Variants in FSTL5 observed in about 807,000 individuals in gnomAD.
FSTL5 encodes the protein follistatin-related protein 5.
A neutral mutation model predicts 89.1 loss-of-function variants in FSTL5; 62 were observed. The ratio of observed to expected loss-of-function variants is 0.70; its 90% CI spans 0.57 to 0.86. The LOEUF (loss-of-function observed/expected upper bound fraction) is 0.86, where lower values mean the gene tolerates loss of function less well. FSTL5 is among the 40% of genes least tolerant of loss of function. The pLI is 0.00. For synonymous variants in FSTL5, 383 were observed against 346.2 expected (o/e 1.11, Z -1.18); for missense variants, 1,057 against 1,001.6 (o/e 1.06, Z -0.75).
At chr4:162,069,148 G>A (rs984979272) in intron 2 of FSTL5, among the ~76,000 whole-genome samples, 1 of 151,996 alleles carries the variant, frequency 6.6e-6, no homozygotes, top group Non-Finnish European at 1.5e-5. Flanking sequence ...ATTCCTCAAA[G>A]ACCTAGAATC....
intron 15 of FSTL5, among the ~76,000 whole-genome samples, chr4:161,453,103 G>A (rs1733229929): frequency 6.6e-6 from 1 of 152,062 alleles, no homozygotes; most frequent in African/African-American, 2.4e-5. Flanking sequence ...CTTGACCCCG[G>A]TAGGTATTTT....
At chr4:161,479,121 A>T (rs959327291) in intron 13 of FSTL5, among the ~76,000 whole-genome samples, 14 of 152,020 alleles carry the variant, frequency 9.2e-5, no homozygotes, top group African/African-American at 3.4e-4. Context: ...CAATTTATCA[A>T]CCTATAAAAA....
At chr4:161,432,621 T>C (rs952694952) in intron 15 of FSTL5, among the ~76,000 whole-genome samples, 8 of 149,700 alleles carry the variant, frequency 5.3e-5, no homozygotes, top group Non-Finnish European at 8.9e-5. Context: ...AAACAAAAAA[T>C]AGAAAAGATC....
intron 4 of FSTL5, among the ~76,000 whole-genome samples, chr4:161,882,655 T>C (rs151009061): frequency 9.9e-5 from 15 of 152,252 alleles, no homozygotes; most frequent in African/African-American, 3.6e-4. Flanking sequence ...ATAATACATC[T>C]AGAGTATGTT....
In FSTL5 at chr4:161,592,904, T is replaced by C. The variant is rs373790435; in HGVS notation, c.895-5329A>G. Among the ~76,000 whole-genome samples the C allele has an allele frequency of 2.0e-5, 3 of 152,292 alleles. 1 individual carries two copies. Among genetic ancestry groups the C allele is most frequent in the Admixed American group, 6.5e-5 (1 of 15,282 alleles). ...ACTCCCACCAACACTGTAAAAGCAT[T>C]CCTATTTCTCCACATCCTCTCTAGC... On this transcript the variant is annotated intron_variant, in intron 7 of 15. Transcript: ENST00000306100.
intron 5 of FSTL5, among the ~76,000 whole-genome samples, chr4:161,764,241 C>A (rs184551572): frequency 6.6e-6 from 1 of 152,224 alleles, no homozygotes; most frequent in Non-Finnish European, 1.5e-5. Flanking sequence ...CAAATGCTAT[C>A]CTACAAGAGA....
chr4:161,520,607 A>G (rs928909650), intron 10 of FSTL5, among the ~76,000 whole-genome samples: 1 of 152,126 alleles, frequency 6.6e-6, no homozygotes, highest in East Asian at 1.9e-4. Context: ...ACTCTACCAT[A>G]CCAACTAATT....
At chr4:161,680,590 T>C (rs1360566157) in intron 6 of FSTL5, among the ~76,000 whole-genome samples, 1 of 151,980 alleles carries the variant, frequency 6.6e-6, no homozygotes, top group Non-Finnish European at 1.5e-5. Flanking sequence ...CACATTCATT[T>C]CCCAAATGAT....
chr4:162,068,873 A>C lies in FSTL5; in HGVS notation c.127-35215T>G, dbSNP rs189033231. On this transcript the variant is annotated intron_variant, in intron 2 of 15. Coordinates refer to ENST00000306100, the MANE Select transcript of FSTL5 (RefSeq NM_020116.5). ...AAACAAACAAACAACCCCATTAAAC[A>C]GTGGGCAAAAGCCATGAACACACAC... Among the ~76,000 whole-genome samples, 4 of 152,242 alleles carry C rather than the reference A, an allele frequency of 2.6e-5. No individual in the cohort carries two copies. In the East Asian group the frequency reaches 7.8e-4, roughly 30 times the overall value.
intron 3 of FSTL5, among the ~76,000 whole-genome samples, chr4:162,006,808 C>A (rs1000563874): frequency 2.6e-5 from 4 of 151,774 alleles, no homozygotes; most frequent in Admixed American, 2.6e-4. Flanking sequence ...TCCAAATTTA[C>A]TAATTTTGTG....
At chr4:161,691,567 A>G (rs1265701839) in intron 6 of FSTL5, among the ~76,000 whole-genome samples, 1 of 152,116 alleles carries the variant, frequency 6.6e-6, no homozygotes, top group Non-Finnish European at 1.5e-5. Context: ...GGACATTGAG[A>G]TTTTGATAGG....
chr4:161,980,155 TAAAG>T (rs541012517), intron 3 of FSTL5, among the ~76,000 whole-genome samples: 43 of 82,664 alleles, frequency 5.2e-4, no homozygotes, highest in East Asian at 4.4e-3. Flanking sequence ...AGGATAAAGA[TAAAG>T]AAAGAAAGAA....
intron 2 of FSTL5, among the ~76,000 whole-genome samples, chr4:162,106,907 C>T (rs1165978936): frequency 6.6e-6 from 1 of 152,172 alleles, no homozygotes; most frequent in Non-Finnish European, 1.5e-5. Flanking sequence ...TAGCCCCCAC[C>T]TTGAACAGAC....
intron 6 of FSTL5, among the ~76,000 whole-genome samples, chr4:161,660,917 T>C (rs1055877515): frequency 1.3e-5 from 2 of 152,146 alleles, no homozygotes; most frequent in African/African-American, 2.4e-5. Context: ...CTATTATGAA[T>C]AGTGCTGCAA....
At chr4:161,533,016 A>T (rs896199091) in intron 10 of FSTL5, among the ~76,000 whole-genome samples, 2 of 152,104 alleles carry the variant, frequency 1.3e-5, no homozygotes, top group Non-Finnish European at 2.9e-5. Flanking sequence ...AATAAAAAAA[A>T]ATCTTTGAAA....
chr4:161,392,277 G>T (rs527447487), intron 15 of FSTL5, among the ~76,000 whole-genome samples: 25 of 151,868 alleles, frequency 1.6e-4, no homozygotes, highest in African/African-American at 4.8e-4. Flanking sequence ...GCCCAAGCTG[G>T]AGTTCAGTGG....
At chr4:161,467,175 G>T (rs892414192) in intron 13 of FSTL5, among the ~76,000 whole-genome samples, 8 of 151,808 alleles carry the variant, frequency 5.3e-5, no homozygotes, top group Non-Finnish European at 1.0e-4. Context: ...GGACTTCACT[G>T]CCTCATTTCT....
intron 8 of FSTL5, among the ~76,000 whole-genome samples, chr4:161,567,044 C>T (rs927577284): frequency 6.6e-6 from 1 of 151,970 alleles, no homozygotes; most frequent in Non-Finnish European, 1.5e-5. Flanking sequence ...ATAAAGTATG[C>T]TAAATAACAT....
chr4:161,919,957 G>T (rs544688747), intron 4 of FSTL5, among the ~76,000 whole-genome samples: 7 of 152,254 alleles, frequency 4.6e-5, no homozygotes, highest in African/African-American at 1.7e-4. Flanking sequence ...GCAACTACTG[G>T]TTCCTTATAA....
Sources: gnomAD v4.1 joint callset for allele counts (sites outside exome capture counted in the v4.1 genomes callset) on GRCh38, gnomAD v4.1.1 for gene constraint, MANE v1.5 for transcripts, NCBI Gene and HGNC (gene_info 2026-07-23, HGNC 2026-07-21) for gene names.